DNM3: variants seen among roughly 807,000 people sequenced by gnomAD.
DNM3 encodes dynamin-3.
Under a neutral mutation model 101.6 loss-of-function variants are expected in DNM3, and 47 were observed. The observed-to-expected ratio is 0.46, with a 90% CI of 0.37 to 0.59. DNM3 has a LOEUF of 0.59. DNM3 is among the 20% of genes least tolerant of loss of function. The probability of loss-of-function intolerance (pLI) is 0.00; values close to 1 mark genes in which losing one functional copy is unlikely to be tolerated. For missense variants in DNM3, 849 were observed against 1,085.7 expected (o/e 0.78, Z 3.06); for synonymous variants, 385 against 387.9 (o/e 0.99, Z 0.09).
At chr1:172,406,515 A>T (rs567265079) in intron 20 of DNM3, among the ~76,000 whole-genome samples, 1 of 152,146 alleles carries the variant, frequency 6.6e-6, no homozygotes, top group East Asian at 1.9e-4. Context: ...GAAGCCTCTT[A>T]CACATTTTTC....
chr1:172,281,169 C>T (rs1002267960), intron 15 of DNM3, among the ~76,000 whole-genome samples: 1 of 151,744 alleles, frequency 6.6e-6, no homozygotes, highest in Non-Finnish European at 1.5e-5. Flanking sequence ...AGACACTCCT[C>T]CAGATTTTCA....
At chr1:172,007,116 A>G (rs945447140) in intron 4 of DNM3, among the ~76,000 whole-genome samples, 6 of 152,074 alleles carry the variant, frequency 3.9e-5, no homozygotes, top group African/African-American at 1.4e-4. Context: ...AAGCTGCTGT[A>G]AATATTAATG....
At chr1:172,158,785 G>A (rs542631530) in intron 14 of DNM3, among the ~76,000 whole-genome samples, 59 of 152,044 alleles carry the variant, frequency 3.9e-4, no homozygotes, top group Admixed American at 9.8e-4. Flanking sequence ...TAGAGAAAAA[G>A]TTTTGATACT....
At chr1:171,931,215 T>C (rs1431783649) in intron 2 of DNM3, among the ~76,000 whole-genome samples, 4 of 152,212 alleles carry the variant, frequency 2.6e-5, no homozygotes. Context: ...GTAACAGTGT[T>C]AAGATGGCAA....
rs548378513 is a variant in DNM3, at chr1:171,909,262, G to A, written c.162-12486G>A. Among the ~76,000 whole-genome samples the A allele has an allele frequency of 8.7e-4, 133 of 152,060 alleles. 1 individual carries two copies. Among genetic ancestry groups the A allele is most frequent in the African/African-American group, 2.8e-3 (115 of 41,486 alleles). On this transcript the variant is annotated intron_variant, in intron 1 of 20. Coordinates refer to ENST00000627582, the MANE Select transcript of DNM3 (RefSeq NM_015569.5). The stretch of plus-strand genomic sequence containing the variant: ...TCAAGGCCAGCCTGGCCAACATAGC[G>A]TCTCTACTAAAAATACAAAAATTAG...
intron 20 of DNM3, among the ~76,000 whole-genome samples, chr1:172,394,596 T>C (rs1227238380): frequency 2.6e-5 from 4 of 152,208 alleles, no homozygotes; most frequent in Admixed American, 2.6e-4. Context: ...CAAATAGCTC[T>C]GTCATTGTTC....
At chr1:172,376,857 CTT>C (rs1483905085) in intron 17 of DNM3, among the ~76,000 whole-genome samples, 1 of 151,926 alleles carries the variant, frequency 6.6e-6, no homozygotes, top group Non-Finnish European at 1.5e-5. Flanking sequence ...CACTCTGACA[CTT>C]TGTTTTCTAA....
chr1:172,360,114 T>C (rs1558041840), intron 17 of DNM3, among the ~76,000 whole-genome samples: 1 of 152,074 alleles, frequency 6.6e-6, no homozygotes, highest in Non-Finnish European at 1.5e-5. Flanking sequence ...TATTAGTATT[T>C]TCATCACAAA....
At chr1:172,342,914 C>T (rs981955310) in intron 17 of DNM3, among the ~76,000 whole-genome samples, 1 of 151,976 alleles carries the variant, frequency 6.6e-6, no homozygotes, top group African/African-American at 2.4e-5. Flanking sequence ...CCTAAGAGAG[C>T]GTTTTAGAAT....
intron 14 of DNM3, among the ~76,000 whole-genome samples, chr1:172,163,357 G>A (rs1324975095): frequency 1.3e-5 from 2 of 150,846 alleles, no homozygotes; most frequent in Non-Finnish European, 1.5e-5. Context: ...TTCTGCCTTA[G>A]CCTCCTGAGT....
chr1:171,907,163 A>G (rs759295179), intron 1 of DNM3, among the ~76,000 whole-genome samples: 2 of 152,184 alleles, frequency 1.3e-5, no homozygotes, highest in Non-Finnish European at 2.9e-5. Context: ...TTTGATCCCC[A>G]CAGTTGATTT....
chr1:172,379,242 C>A, intron 18 of DNM3, 60 bp downstream of exon 18: 1 of 1,344,608 alleles, frequency 7.4e-7, no homozygotes, highest in Non-Finnish European at 1.0e-6. Context: ...GGAAGTTGCA[C>A]ATATTATCTT....
intron 17 of DNM3, among the ~76,000 whole-genome samples, chr1:172,366,306 A>C (rs562939122): frequency 6.6e-6 from 1 of 151,960 alleles, no homozygotes; most frequent in Non-Finnish European, 1.5e-5. Context: ...AACCAAATAC[A>C]AAGAAAACTC....
intron 1 of DNM3, among the ~76,000 whole-genome samples, chr1:171,864,964 C>T (rs1200229355): frequency 6.6e-6 from 1 of 151,780 alleles, no homozygotes; most frequent in Non-Finnish European, 1.5e-5. Flanking sequence ...ATTAATTTGC[C>T]TCTTAAAATA....
At chr1:172,017,314 C>CT (rs1187908121) in intron 4 of DNM3, among the ~76,000 whole-genome samples, 3 of 151,926 alleles carry the variant, frequency 2.0e-5, no homozygotes, top group African/African-American at 7.2e-5. Context: ...TTAGATGTTT[C>CT]TTTTTTTCTA....
intron 18 of DNM3, among the ~76,000 whole-genome samples, chr1:172,384,039 C>A (rs1171867879): frequency 1.3e-5 from 2 of 152,090 alleles, no homozygotes; most frequent in Non-Finnish European, 2.9e-5. Flanking sequence ...ATGCAGAATT[C>A]TTGATTTAAA....
rs147993261 is a variant in DNM3, at chr1:171,925,014, C to T, written c.235+3193C>T. ...TCCTGGGTTCAAGTGATTCTCTTGCCTCAGCCTCCTGAGTAGCTGGGATTA... is the reference window on the plus strand; with the variant it reads ...TCCTGGGTTCAAGTGATTCTCTTGCTTCAGCCTCCTGAGTAGCTGGGATTA... On this transcript the variant is annotated intron_variant, in intron 2 of 20. Coordinates refer to ENST00000627582, the MANE Select transcript of DNM3 (RefSeq NM_015569.5). 7.7e-3 allele frequency among the ~76,000 whole-genome samples: 1,163 copies of T among 151,840 alleles called. 9 individuals carry two copies. Among genetic ancestry groups the T allele is most frequent in the African/African-American group, 0.027 (1,108 of 41,342 alleles).
intron 14 of DNM3, among the ~76,000 whole-genome samples, chr1:172,163,139 C>A (rs186055257): frequency 6.6e-6 from 1 of 152,150 alleles, no homozygotes; most frequent in East Asian, 1.9e-4. Context: ...ATGTACATCA[C>A]CTCACATCAT....
chr1:172,175,520 T>C lies in DNM3; in HGVS notation c.1659+44232T>C, dbSNP rs115081526. ...TGACAGTAAGAAATGGAAGTATCCA[T>C]TCATATATTTAATTTCAGTGATGTT... is the stretch of plus-strand genomic sequence containing the variant. On this transcript the variant is annotated intron_variant, in intron 14 of 20. Coordinates refer to ENST00000627582, the MANE Select transcript of DNM3 (RefSeq NM_015569.5). Among the ~76,000 whole-genome samples the C allele has an allele frequency of 6.5e-3, 991 of 151,836 alleles. 13 individuals carry two copies. Among genetic ancestry groups the C allele is most frequent in the African/African-American group, 0.023 (936 of 41,482 alleles).
Sources: gnomAD v4.1 joint callset for allele counts (sites outside exome capture counted in the v4.1 genomes callset) on GRCh38, gnomAD v4.1.1 for gene constraint, MANE v1.5 for transcripts, NCBI Gene and HGNC (gene_info 2026-07-23, HGNC 2026-07-21) for gene names.